CMIP: variants seen among roughly 807,000 people sequenced by gnomAD.
CMIP encodes C-Maf-inducing protein.
In CMIP, 13 loss-of-function variants were observed where a neutral mutation model predicts 97.3. That is an observed-to-expected ratio of 0.13 (90% CI 0.09 to 0.21). CMIP has a LOEUF of 0.21. CMIP is among the 10% of genes least tolerant of loss of function. CMIP has a pLI of 1.00. For synonymous variants in CMIP, 538 were observed against 436.3 expected (o/e 1.23, Z -2.91); for missense variants, 847 against 1,024.9 (o/e 0.83, Z 2.37).
chr16:81,491,195 C>T (rs1052505307), intron 1 of CMIP, among the ~76,000 whole-genome samples: 10 of 152,134 alleles, frequency 6.6e-5, no homozygotes, highest in South Asian at 2.1e-4. Context: ...CATCACAGGG[C>T]GACAGCTCCA....
chr16:81,610,579 C>G (rs2091815150), intron 2 of CMIP: 1 of 975,382 alleles, frequency 1.0e-6, no homozygotes, highest in Non-Finnish European at 1.2e-6. Context: ...GTGGTTCTCT[C>G]CCTGGCTGCC....
chr16:81,504,370 C>T (rs1000206281), intron 1 of CMIP, among the ~76,000 whole-genome samples: 1 of 151,738 alleles, frequency 6.6e-6, no homozygotes, highest in African/African-American at 2.4e-5. Context: ...GGGCTGGGCA[C>T]CATGGCTCAT....
intron 13 of CMIP, 34 bp from the exon 14 acceptor site, chr16:81,696,526 G>C (rs758220239): frequency 6.3e-7 from 1 of 1,588,504 alleles, no homozygotes; most frequent in Admixed American, 1.7e-5. Flanking sequence ...GGGGCTGCAT[G>C]CAGCTCACAC....
At chr16:81,648,195 T>C (rs2092387725) in intron 3 of CMIP, among the ~76,000 whole-genome samples, 2 of 151,786 alleles carry the variant, frequency 1.3e-5, no homozygotes, top group South Asian at 4.2e-4. Flanking sequence ...CCGACCATCG[T>C]GGCCCTCACT....
At chr16:81,607,016 A>C (rs2091755035) in intron 1 of CMIP, 1 of 155,264 alleles carries the variant, frequency 6.4e-6, no homozygotes, top group Non-Finnish European at 1.5e-5. Context: ...TAGGGAGAGC[A>C]GACCCCGCTG....
At chr16:81,676,953 G>T (rs1017233776) in intron 9 of CMIP, among the ~76,000 whole-genome samples, 1 of 152,154 alleles carries the variant, frequency 6.6e-6, no homozygotes, top group Admixed American at 6.5e-5. Context: ...GTTTTCAATC[G>T]TGCCGTTGTG....
chr16:81,649,305 C>T (rs1305847497), intron 3 of CMIP, among the ~76,000 whole-genome samples: 5 of 152,260 alleles, frequency 3.3e-5, no homozygotes, highest in Non-Finnish European at 7.3e-5. Context: ...GTTGTCCTCC[C>T]CGCTCCAAGG....
At chr16:81,630,325 A>G (rs932839086) in intron 3 of CMIP, 1 of 152,270 alleles carries the variant, frequency 6.6e-6, no homozygotes, top group Non-Finnish European at 1.5e-5. Flanking sequence ...ACGGAGGCAC[A>G]TGTGTGGCAC....
chr16:81,627,090 TGG>T lies in CMIP; in HGVS notation c.477+6168_477+6169del, dbSNP rs1327369275. 3.4e-5 allele frequency among the ~76,000 whole-genome samples: 5 copies of T among 147,254 alleles called. No homozygotes were observed. Among genetic ancestry groups the T allele is most frequent in the African/African-American group, 1.3e-4 (5 of 39,768 alleles). On this transcript the variant is annotated intron_variant, in intron 3 of 20. Transcript: ENST00000537098. The surrounding 1 kb of genome is among the most constrained non-coding windows in gnomAD (Gnocchi z 4.6). ...TGTGTGTTTGTGTATGTGTGGTGTG[TGG>T]GGGTGACTGTGAGAGTGTGTGTGTG... is the stretch of plus-strand genomic sequence containing the variant.
At chr16:81,590,229 C>A (rs1035678075) in intron 1 of CMIP, among the ~76,000 whole-genome samples, 4 of 152,134 alleles carry the variant, frequency 2.6e-5, no homozygotes, top group African/African-American at 9.7e-5. Flanking sequence ...CCCTCCCATT[C>A]TTTTCCTCCC....
At chr16:81,567,326 A>G (rs2091000871) in intron 1 of CMIP, among the ~76,000 whole-genome samples, 1 of 152,248 alleles carries the variant, frequency 6.6e-6, no homozygotes, top group Non-Finnish European at 1.5e-5. Context: ...CACCGCTGCT[A>G]CAGGGCGGAA....
chr16:81,459,871 G>T (rs1259979985), intron 1 of CMIP, among the ~76,000 whole-genome samples: 1 of 152,204 alleles, frequency 6.6e-6, no homozygotes, highest in Non-Finnish European at 1.5e-5. Flanking sequence ...CTCTTAGGAG[G>T]TGGCCTTGTC....
chr16:81,678,894 A>T (rs1447605648), intron 10 of CMIP, among the ~76,000 whole-genome samples: 1 of 152,238 alleles, frequency 6.6e-6, no homozygotes, highest in African/African-American at 2.4e-5. Flanking sequence ...TGGTGTGTGT[A>T]TATACACACG....
chr16:81,487,168 G>A (rs1005837473), intron 1 of CMIP, among the ~76,000 whole-genome samples: 1 of 101,940 alleles, frequency 9.8e-6, no homozygotes, highest in Non-Finnish European at 2.2e-5. Context: ...CTAGTGAACC[G>A]GGGGGGGTGT....
intron 1 of CMIP, chr16:81,518,777 C>T (rs1010421059): frequency 2.0e-5 from 3 of 151,832 alleles, no homozygotes; most frequent in African/African-American, 7.3e-5. Context: ...GCAGGAAGAT[C>T]ACTTGAGCCC....
intron 1 of CMIP, among the ~76,000 whole-genome samples, chr16:81,447,789 G>A (rs1905952707): frequency 1.3e-5 from 2 of 152,252 alleles, no homozygotes; most frequent in Admixed American, 1.3e-4. Context: ...AGGGGGCCTT[G>A]CCTCAGGGCC....
intron 10 of CMIP, among the ~76,000 whole-genome samples, chr16:81,689,182 A>T (rs1284114097): frequency 3.9e-5 from 6 of 152,208 alleles, no homozygotes; most frequent in Non-Finnish European, 5.9e-5. Flanking sequence ...CAGTAATGGG[A>T]TGGCTGGGTC....
chr16:81,675,132 C>T (rs1904288111), intron 9 of CMIP, among the ~76,000 whole-genome samples: 1 of 152,164 alleles, frequency 6.6e-6, no homozygotes, highest in South Asian at 2.1e-4. Context: ...AGAGGGTGAC[C>T]CAGGGAGAGA....
In CMIP at chr16:81,699,678, C is replaced by T. The variant is rs547476772; in HGVS notation, c.1639-7C>T. On this transcript the variant is annotated splice_polypyrimidine_tract_variant and splice_region_variant and intron_variant, in intron 14 of 20. Transcript: ENST00000537098. ...TGTCCCTTCACCTGGGCCTTCTTGCCTCACAGGTGCACATCCTCATGGGCT... is the reference window on the plus strand; with the variant it reads ...TGTCCCTTCACCTGGGCCTTCTTGCTTCACAGGTGCACATCCTCATGGGCT... 4 of 1,596,386 alleles carry T rather than the reference C, an allele frequency of 2.5e-6. No homozygotes were observed. Among genetic ancestry groups the T allele is most frequent in the Admixed American group, 3.3e-5 (2 of 59,780 alleles).
Sources: gnomAD v4.1 joint callset for allele counts (sites outside exome capture counted in the v4.1 genomes callset) on GRCh38, gnomAD v4.1.1 for gene constraint, Gnocchi (gnomAD v3.1) non-coding constraint, MANE v1.5 for transcripts, NCBI Gene and HGNC (gene_info 2026-07-23, HGNC 2026-07-21) for gene names.